Variants in DDX4 observed in about 807,000 individuals in gnomAD.
DDX4 encodes DEAD-box helicase 4, also known as probable ATP-dependent RNA helicase DDX4.
DDX4 carries 25 observed loss-of-function variants against 100.0 expected under a neutral mutation model. That is an observed-to-expected ratio of 0.25 (90% CI 0.18 to 0.35). DDX4 has a LOEUF of 0.35. Among genes scored for constraint, DDX4 ranks in the 10% least tolerant of loss-of-function variants. The pLI is 1.00. For missense variants in DDX4, 635 were observed against 882.4 expected (o/e 0.72, Z 3.55); for synonymous variants, 259 against 275.7 (o/e 0.94, Z 0.60).
At chr5:55,788,061 A>C in intron 15 of DDX4, 61 bp downstream of exon 15, 2 of 1,468,656 alleles carry the variant, frequency 1.4e-6, no homozygotes, top group South Asian at 1.4e-5. Context: ...TTTTCCCCTC[A>C]CTTTTGGAAG....
At chr5:55,739,178 C>T (rs1758850458) in intron 2 of DDX4, 146 bp downstream of exon 2, 1 of 605,390 alleles carries the variant, frequency 1.7e-6, no homozygotes, top group Admixed American at 3.1e-5. Context: ...GAATAAGAGA[C>T]AACCTAAGCC....
At chr5:55,769,611 A>G (rs973397831) in intron 7 of DDX4, among the ~76,000 whole-genome samples, 1 of 152,186 alleles carries the variant, frequency 6.6e-6, no homozygotes, top group Admixed American at 6.5e-5. Flanking sequence ...GCCCAAAGCT[A>G]TTTACAGATC....
In DDX4 at chr5:55,767,308, G is replaced by A. The variant is rs192022272; in HGVS notation, c.335-573G>A. The stretch of plus-strand genomic sequence containing the variant: ...ATACAAAAATTAGCCAGGCATGGTG[G>A]CGCATGCCTGTAATCCCAGCTACTC... On this transcript the variant is annotated intron_variant, in intron 6 of 21. Coordinates refer to ENST00000505374, the MANE Select transcript of DDX4 (RefSeq NM_024415.3). Among the ~76,000 whole-genome samples, 253 of 152,304 alleles carry A rather than the reference G, an allele frequency of 1.7e-3. 1 individual carries two copies. The highest frequency in any genetic ancestry group is 6.8e-3 in the Middle Eastern group (2 of 294).
chr5:55,799,431 A>G lies in DDX4; in HGVS notation c.1615+860A>G, dbSNP rs76147205. Among the ~76,000 whole-genome samples the G allele has an allele frequency of 4.7e-4, 72 of 152,274 alleles. No homozygotes were observed. In the East Asian group the frequency reaches 0.013, roughly 29 times the overall value. On this transcript the variant is annotated intron_variant, in intron 18 of 21. Coordinates refer to ENST00000505374, the MANE Select transcript of DDX4 (RefSeq NM_024415.3). ...TGCTTTATTGCCAAGGCTGGAGTGC[A>G]GTAGCATGACCATGGCTCACTGCAG...
At chr5:55,814,797 G>A (rs1744299333) in intron 19 of DDX4, 104 bp from the exon 20 acceptor site, 1 of 1,312,646 alleles carries the variant, frequency 7.6e-7, no homozygotes, top group African/African-American at 1.5e-5. Context: ...GCCAAATGCT[G>A]CTATTCATAC....
At chr5:55,741,591 C>T (rs1336600225) in intron 2 of DDX4, among the ~76,000 whole-genome samples, 1 of 152,070 alleles carries the variant, frequency 6.6e-6, no homozygotes, top group East Asian at 1.9e-4. Flanking sequence ...AGTTCGAGAC[C>T]AGCCTGGCCA....
chr5:55,756,030 A>G (rs1006062373), intron 3 of DDX4, among the ~76,000 whole-genome samples: 2 of 152,186 alleles, frequency 1.3e-5, no homozygotes, highest in Admixed American at 6.5e-5. Context: ...GGTTTTCTCC[A>G]GGTTGTTAGA....
At chr5:55,777,320 G>T (rs1344182234) in intron 7 of DDX4, 1 of 152,154 alleles carries the variant, frequency 6.6e-6, no homozygotes, top group African/African-American at 2.4e-5. Context: ...TGAAAGTAAA[G>T]AGGTCAGGCA....
intron 6 of DDX4, among the ~76,000 whole-genome samples, 177 bp from the exon 7 acceptor site, chr5:55,767,704 C>T (rs922823397): frequency 3.3e-5 from 5 of 152,040 alleles, no homozygotes; most frequent in South Asian, 2.1e-4. Context: ...TATAGGGAAT[C>T]GACTCTGAGT....
At chr5:55,787,758 T>C in intron 14 of DDX4, 88 bp from the exon 15 acceptor site, 1 of 1,407,410 alleles carries the variant, frequency 7.1e-7, no homozygotes. Flanking sequence ...AAGTAGAGTC[T>C]AAAGGCTATA....
intron 7 of DDX4, among the ~76,000 whole-genome samples, chr5:55,779,614 A>G (rs1433767450): frequency 6.6e-6 from 1 of 152,212 alleles, no homozygotes; most frequent in Non-Finnish European, 1.5e-5. Flanking sequence ...TGGAGCAGAT[A>G]CAAGCCTAGG....
intron 10 of DDX4, among the ~76,000 whole-genome samples, chr5:55,782,835 ACCC>A (rs1742008268): frequency 6.9e-6 from 1 of 144,822 alleles, no homozygotes; most frequent in Non-Finnish European, 1.5e-5. Flanking sequence ...TCACTCTGTC[ACCC>A]AGGTTGGAGT....
chr5:55,745,060 A>G (rs529795842), intron 2 of DDX4, among the ~76,000 whole-genome samples: 1 of 152,018 alleles, frequency 6.6e-6, no homozygotes, highest in Admixed American at 6.6e-5. Flanking sequence ...TTGTATTTTT[A>G]GTAGAGATGG....
At chr5:55,808,827 C>T (rs1391514807) in intron 18 of DDX4, among the ~76,000 whole-genome samples, 3 of 152,184 alleles carry the variant, frequency 2.0e-5, no homozygotes, top group African/African-American at 7.2e-5. Context: ...GGGAGAACCA[C>T]TACTCTCTTC....
In DDX4 at chr5:55,790,584, T is replaced by C; in HGVS notation, c.1181T>C (p.Val394Ala). 6.3e-7 allele frequency: 1 copy of C among 1,591,128 alleles called. No homozygotes were observed. Among genetic ancestry groups the C allele is most frequent in the Non-Finnish European group, 8.6e-7 (1 of 1,160,086 alleles). ...EARKFSFGTCVRAVVIYGGTQ... is the reference protein window; with the variant it reads ...EARKFSFGTCARAVVIYGGTQ... Reference sequence around the variant, plus strand: ...AGTTTTCTTGTTAATAGGACTTGTGTAAGAGCTGTTGTTATATATGGGGGA... The same window carrying C: ...AGTTTTCTTGTTAATAGGACTTGTGCAAGAGCTGTTGTTATATATGGGGGA... Residue 394 changes from valine to alanine, a missense_variant, in exon 16 of 22, where the codon GTA becomes GCA. Physicochemically the swap from Val to Ala is moderately conservative, Grantham distance 64 (BLOSUM62 0). Around this residue, in one of 4 missense-constraint regions of DDX4, gnomAD observed 446 missense variants for 540.8 expected, o/e 0.82. Transcript: ENST00000505374.
At chr5:55,741,713 T>TG (rs1758989530) in intron 2 of DDX4, among the ~76,000 whole-genome samples, 1 of 151,684 alleles carries the variant, frequency 6.6e-6, no homozygotes, top group Admixed American at 6.6e-5. Flanking sequence ...CTCTTGAAAT[T>TG]GGGAGGTGGA....
intron 4 of DDX4, 107 bp downstream of exon 4, chr5:55,760,384 G>C: frequency 8.8e-7 from 1 of 1,133,328 alleles, no homozygotes; most frequent in Middle Eastern, 2.1e-4. Flanking sequence ...AAGTCAGTGT[G>C]TAGTAGACTT....
At chr5:55,801,990 A>T (rs1018541560) in intron 18 of DDX4, among the ~76,000 whole-genome samples, 1 of 152,152 alleles carries the variant, frequency 6.6e-6, no homozygotes, top group East Asian at 1.9e-4. Flanking sequence ...AGGCTGGGCC[A>T]TGTAAGCCAA....
At chr5:55,816,326 A>G (rs1188090406) in intron 21 of DDX4, 137 bp from the exon 22 acceptor site, 10 of 1,341,204 alleles carry the variant, frequency 7.5e-6, no homozygotes, top group Non-Finnish European at 8.9e-6. Context: ...TAGTGAGAAT[A>G]AAGTTCTTTG....
Sources: gnomAD v4.1 joint callset for allele counts (sites outside exome capture counted in the v4.1 genomes callset) on GRCh38, gnomAD v4.1.1 for gene constraint, gnomAD v4.1.1 regional missense constraint, MANE v1.5 for transcripts, NCBI Gene and HGNC (gene_info 2026-07-23, HGNC 2026-07-21) for gene names.